The following CENPP variants were observed in gnomAD, a reference collection of about 807,000 sequenced individuals.
CENPP encodes centromere protein P.
Under a neutral mutation model 35.6 loss-of-function variants are expected in CENPP, and 24 were observed. The ratio of observed to expected loss-of-function variants is 0.67; its 90% confidence interval spans 0.49 to 0.95. The LOEUF is 0.95. Ranked by LOEUF, CENPP falls within the 40% of genes least tolerant of loss-of-function variation. CENPP has a pLI of 0.00. For missense variants in CENPP, 332 were observed against 345.3 expected, an observed-to-expected ratio of 0.96 and a Z score of 0.31; for synonymous variants, 120 against 125.5, an observed-to-expected ratio of 0.96 and a Z score of 0.29.
chr9:92,425,590 G>A (rs1397558584), intron 5 of CENPP, among the ~76,000 whole-genome samples: 3 of 152,130 alleles, frequency 2.0e-5, no homozygotes, highest in African/African-American at 7.2e-5. Context: ...AGTGAATCCT[G>A]GAGTTCATTT....
intron 4 of CENPP, among the ~76,000 whole-genome samples, chr9:92,365,114 A>G (rs1841854058): frequency 6.6e-6 from 1 of 152,358 alleles, no homozygotes; most frequent in East Asian, 1.9e-4. Context: ...CATAAACTCA[A>G]GAGATTTATT....
chr9:92,343,565 C>A (rs142786233), intron 3 of CENPP, among the ~76,000 whole-genome samples: 2,888 of 152,218 alleles, frequency 0.019, 38 homozygotes, highest in Non-Finnish European at 0.03. Context: ...TTATCACAGG[C>A]TCCAAAGAAA....
intron 5 of CENPP, among the ~76,000 whole-genome samples, chr9:92,575,045 C>G (rs1353608604): frequency 6.6e-6 from 1 of 152,144 alleles, no homozygotes; most frequent in Non-Finnish European, 1.5e-5. Context: ...TAGCTAACAC[C>G]ATATACAAAA....
intron 5 of CENPP, chr9:92,384,568 CAGAT>C (rs1325295663): frequency 1.3e-5 from 2 of 152,140 alleles, no homozygotes; most frequent in South Asian, 2.1e-4. Context: ...TTATTACTCT[CAGAT>C]AGAAGATTTA....
chr9:92,440,681 A>C (rs577765311), intron 5 of CENPP, among the ~76,000 whole-genome samples: 1 of 152,354 alleles, frequency 6.6e-6, no homozygotes, highest in East Asian at 1.9e-4. Context: ...AAACTGCGAA[A>C]GTTATGACCA....
chr9:92,611,042 C>A, intron 5 of CENPP: 1 of 523,202 alleles, frequency 1.9e-6, no homozygotes, highest in Non-Finnish European at 3.4e-6. Flanking sequence ...GTGGGGAAAC[C>A]TGTGAAATGA....
At chr9:92,457,560 T>G in intron 5 of CENPP, 1 of 1,096,062 alleles carries the variant, frequency 9.1e-7, no homozygotes, top group East Asian at 2.5e-5. Flanking sequence ...TAGTCGCCAT[T>G]TGTTTGTGGG....
At chr9:92,428,751 T>G (rs1844030517) in intron 5 of CENPP, among the ~76,000 whole-genome samples, 2 of 152,160 alleles carry the variant, frequency 1.3e-5, no homozygotes, top group African/African-American at 4.8e-5. Flanking sequence ...GATGCTTTAT[T>G]TAAAAAAGTA....
chr9:92,356,886 C>T (rs1055906684), intron 4 of CENPP, among the ~76,000 whole-genome samples: 12 of 152,200 alleles, frequency 7.9e-5, no homozygotes, highest in Admixed American at 2.0e-4. Context: ...TCCCTCCGTT[C>T]GGGGTCCCTG....
chr9:92,542,747 C>T (rs1179988748), intron 5 of CENPP, among the ~76,000 whole-genome samples: 4 of 152,108 alleles, frequency 2.6e-5, no homozygotes, highest in Admixed American at 6.5e-5. Flanking sequence ...GATCTGACCT[C>T]GTGATCCACC....
At chr9:92,605,856 G>A (rs1419804618) in intron 5 of CENPP, among the ~76,000 whole-genome samples, 1 of 152,182 alleles carries the variant, frequency 6.6e-6, no homozygotes, top group Non-Finnish European at 1.5e-5. Context: ...GAAGTAAAAA[G>A]ACAACTCACA....
intron 5 of CENPP, chr9:92,403,297 A>C (rs2130933394): frequency 6.2e-7 from 1 of 1,612,206 alleles, no homozygotes; most frequent in South Asian, 1.1e-5. Flanking sequence ...ATTCTTCAAA[A>C]TTATCTGTTC....
chr9:92,571,095 T>G (rs1487995860), intron 5 of CENPP, among the ~76,000 whole-genome samples: 2 of 152,306 alleles, frequency 1.3e-5, no homozygotes, highest in Non-Finnish European at 2.9e-5. Context: ...TCTGCTCTGA[T>G]CTTAGTTATT....
intron 5 of CENPP, among the ~76,000 whole-genome samples, chr9:92,415,895 T>C (rs1843579722): frequency 6.9e-6 from 1 of 145,952 alleles, no homozygotes; most frequent in African/African-American, 2.5e-5. Flanking sequence ...TCTTTTTTTT[T>C]TTCCTGTTGC....
At chr9:92,378,969 C>G (rs1842185269) in intron 4 of CENPP, among the ~76,000 whole-genome samples, 1 of 152,222 alleles carries the variant, frequency 6.6e-6, no homozygotes, top group Non-Finnish European at 1.5e-5. Context: ...CTCCACTTCA[C>G]ACTCCAGCTG....
At chr9:92,388,163 C>G (rs1842511545) in intron 5 of CENPP, among the ~76,000 whole-genome samples, 1 of 151,508 alleles carries the variant, frequency 6.6e-6, no homozygotes, top group Non-Finnish European at 1.5e-5. Flanking sequence ...TGTTGATCAG[C>G]TCCTTTTTTT....
At chr9:92,451,664 A>G (rs1476741558) in intron 5 of CENPP, among the ~76,000 whole-genome samples, 1 of 151,856 alleles carries the variant, frequency 6.6e-6, no homozygotes, top group Non-Finnish European at 1.5e-5. Context: ...TGGGGATGGC[A>G]TTGAATCTAT....
intron 5 of CENPP, chr9:92,610,832 G>A (rs1246257428): frequency 6.0e-5 from 11 of 182,136 alleles, no homozygotes; most frequent in South Asian, 2.2e-4. Context: ...GGCGAGGGGC[G>A]TCCAGGCTCG....
Position 92,562,206 on chromosome 9 carries a change from T to C in CENPP, c.565-49108T>C, listed in dbSNP as rs200810278. 0.01 allele frequency among the ~76,000 whole-genome samples: 1,427 copies of C among 141,736 alleles called. 46 individuals carry two copies. The East Asian group carries it at 0.12, about 12-fold the overall frequency. 93.0% of individuals were successfully genotyped at this position (141,736 alleles called of 152,430 possible). A position where few individuals can be genotyped will look rare whatever the true frequency, so the allele number is the denominator to read the frequency against. ...GAACTCAGTTTTCTTTTTTTTCTTT[T>C]CTTTTTTTTTTTTTTGAGATGGAGT... is the stretch of plus-strand genomic sequence containing the variant. On this transcript the variant is annotated intron_variant, in intron 5 of 7. Transcript: ENST00000375587.
Sources: allele counts gnomAD v4.1 joint callset (sites outside exome capture counted in the v4.1 genomes callset), GRCh38; gene constraint gnomAD v4.1.1; transcripts MANE v1.5; gene names NCBI Gene and HGNC (gene_info 2026-07-23, HGNC 2026-07-21).